Variants in KCNIP4 observed in about 807,000 individuals in gnomAD.
KCNIP4 encodes Kv channel-interacting protein 4.
KCNIP4 carries 12 observed loss-of-function variants against 34.0 expected under a neutral mutation model. That is an observed-to-expected ratio of 0.35 (90% CI 0.23 to 0.57). The LOEUF (loss-of-function observed/expected upper bound fraction) is 0.57. KCNIP4 is among the 20% of genes least tolerant of loss of function. The probability of loss-of-function intolerance (pLI) is 0.83; values close to 1 mark genes in which losing one functional copy is unlikely to be tolerated. For synonymous variants in KCNIP4, 124 were observed against 102.2 expected, an observed-to-expected ratio of 1.21 and a Z score of -1.29; for missense variants, 238 against 311.7, an observed-to-expected ratio of 0.76 and a Z score of 1.78.
intron 1 of KCNIP4, among the ~76,000 whole-genome samples, chr4:20,945,494 T>C (rs1284233217): frequency 1.3e-5 from 2 of 152,192 alleles, no homozygotes; most frequent in South Asian, 2.1e-4. Context: ...TCATAATATA[T>C]ATGAAAGCAT....
chr4:20,764,683 C>CACACAT (rs1401008738), intron 3 of KCNIP4, among the ~76,000 whole-genome samples: 1 of 146,724 alleles, frequency 6.8e-6, no homozygotes, highest in African/African-American at 2.5e-5. Flanking sequence ...GGGAATTGGA[C>CACACAT]ACACACACAC....
intron 1 of KCNIP4, among the ~76,000 whole-genome samples, chr4:21,909,044 T>A (rs1728155965): frequency 6.6e-6 from 1 of 152,030 alleles, no homozygotes; most frequent in African/African-American, 2.4e-5. Context: ...TTCAGGAAGG[T>A]AGGATTTGGT....
intron 1 of KCNIP4, among the ~76,000 whole-genome samples, chr4:21,125,262 G>C (rs1464887721): frequency 1.6e-5 from 2 of 123,856 alleles, no homozygotes; most frequent in Non-Finnish European, 3.6e-5. Flanking sequence ...CTGTCACCTA[G>C]GCTGGAGTGC....
rs374231700 is a variant in KCNIP4 at position 21,355,624 on chromosome 4, G to C, written c.62-472915C>G. ...CAGGAAGAAGTTGAATCTCTGAATA[G>C]ATCAATAACAGGCTCTGAAATTGAG... is the stretch of plus-strand genomic sequence containing the variant. On this transcript the variant is annotated intron_variant, in intron 1 of 8. Coordinates refer to ENST00000382152, the MANE Select transcript of KCNIP4 (RefSeq NM_025221.6). Among the ~76,000 whole-genome samples the C allele has an allele frequency of 3.3e-5, 5 of 152,254 alleles. No homozygotes were observed. In the South Asian group the frequency reaches 1.0e-3, roughly 32 times the overall value.
At chr4:21,023,122 A>G (rs1425065890) in intron 1 of KCNIP4, among the ~76,000 whole-genome samples, 7 of 152,134 alleles carry the variant, frequency 4.6e-5, no homozygotes, top group Non-Finnish European at 1.0e-4. Context: ...ATTACCCCAT[A>G]AAATTTGAAT....
At chr4:21,027,735 A>C (rs930397664) in intron 1 of KCNIP4, among the ~76,000 whole-genome samples, 4 of 152,176 alleles carry the variant, frequency 2.6e-5, no homozygotes, top group African/African-American at 9.6e-5. Context: ...TAGAGAAAAC[A>C]TTAATTCACA....
intron 1 of KCNIP4, among the ~76,000 whole-genome samples, chr4:21,686,626 C>A (rs978686713): frequency 6.6e-6 from 1 of 152,086 alleles, no homozygotes; most frequent in Non-Finnish European, 1.5e-5. Flanking sequence ...GGACCTACCC[C>A]ATTTAAAAAT....
intron 1 of KCNIP4, among the ~76,000 whole-genome samples, chr4:20,910,347 C>T (rs914058444): frequency 6.6e-6 from 1 of 151,712 alleles, no homozygotes; most frequent in Non-Finnish European, 1.5e-5. Context: ...TAATGTACAC[C>T]TTTGTCAACA....
intron 1 of KCNIP4, among the ~76,000 whole-genome samples, chr4:21,943,316 C>T (rs117560640): frequency 3.3e-5 from 5 of 152,122 alleles, no homozygotes; most frequent in East Asian, 3.9e-4. Flanking sequence ...AAGGACACTA[C>T]ATTTCAGATG....
intron 1 of KCNIP4, among the ~76,000 whole-genome samples, chr4:21,168,453 G>A (rs1405143158): frequency 1.3e-5 from 2 of 152,152 alleles, no homozygotes; most frequent in East Asian, 3.9e-4. Flanking sequence ...AAAAGTTTCT[G>A]TTAGGCACAG....
intron 1 of KCNIP4, among the ~76,000 whole-genome samples, chr4:21,499,181 A>T (rs748099337): frequency 1.3e-5 from 2 of 152,032 alleles, no homozygotes; most frequent in Non-Finnish European, 2.9e-5. Flanking sequence ...AAATACAAAA[A>T]TTAGTCAGGC....
At chr4:20,931,601 G>A (rs1020196711) in intron 1 of KCNIP4, among the ~76,000 whole-genome samples, 2 of 152,072 alleles carry the variant, frequency 1.3e-5, no homozygotes, top group African/African-American at 2.4e-5. Context: ...AATAGAAAAT[G>A]TATGGTAAAA....
intron 1 of KCNIP4, among the ~76,000 whole-genome samples, chr4:21,154,787 G>C (rs538140893): frequency 6.6e-6 from 1 of 152,104 alleles, no homozygotes; most frequent in Non-Finnish European, 1.5e-5. Flanking sequence ...TGAGAGTCAT[G>C]CCCTCCTTGA....
chr4:21,463,257 T>C (rs1014535828), intron 1 of KCNIP4, among the ~76,000 whole-genome samples: 4 of 152,150 alleles, frequency 2.6e-5, no homozygotes, highest in Admixed American at 1.3e-4. Flanking sequence ...TGCATTTCCA[T>C]GATGATTAGT....
chr4:21,319,654 C>T (rs1377467153), intron 1 of KCNIP4, among the ~76,000 whole-genome samples: 4 of 152,168 alleles, frequency 2.6e-5, no homozygotes, highest in African/African-American at 9.7e-5. Context: ...CTTCTTTCTA[C>T]CCATGGTCAA....
At chr4:21,497,550 AC>A (rs1470987888) in intron 1 of KCNIP4, among the ~76,000 whole-genome samples, 1 of 151,918 alleles carries the variant, frequency 6.6e-6, no homozygotes, top group African/African-American at 2.4e-5. Context: ...CAGTTTTTAA[AC>A]CTGTATTTTC....
chr4:21,282,485 T>C (rs1180219916), intron 1 of KCNIP4, among the ~76,000 whole-genome samples: 1 of 151,750 alleles, frequency 6.6e-6, no homozygotes, highest in African/African-American at 2.4e-5. Context: ...TGTGTGTGTG[T>C]GTGTGTGTGT....
At chr4:21,288,127 G>C (rs890238301) in intron 1 of KCNIP4, among the ~76,000 whole-genome samples, 1 of 152,116 alleles carries the variant, frequency 6.6e-6, no homozygotes, top group East Asian at 1.9e-4. Context: ...GTTGACTCCT[G>C]AACAGTCTCT....
At chr4:21,423,285 T>C (rs779918937) in intron 1 of KCNIP4, among the ~76,000 whole-genome samples, 2 of 152,220 alleles carry the variant, frequency 1.3e-5, no homozygotes, top group Non-Finnish European at 2.9e-5. Context: ...AGGCACTAAG[T>C]TGAAAAATAA....
Sources: gnomAD v4.1 joint callset for allele counts (sites outside exome capture counted in the v4.1 genomes callset) on GRCh38, gnomAD v4.1.1 for gene constraint, MANE v1.5 for transcripts, NCBI Gene and HGNC (gene_info 2026-07-23, HGNC 2026-07-21) for gene names.